Variants in SLC45A1 observed in about 807,000 individuals in gnomAD.
SLC45A1 encodes the protein proton-associated sugar transporter A.
A neutral mutation model predicts 57.6 loss-of-function variants in SLC45A1; 28 were observed. That is an observed-to-expected ratio of 0.49 (90% CI 0.36 to 0.67). The LOEUF is 0.67. Ranked by LOEUF, SLC45A1 falls within the 30% of genes least tolerant of loss-of-function variation. The pLI is 0.00. For missense variants in SLC45A1, 814 were observed against 1,041.5 expected (o/e 0.78, Z 3.01); for synonymous variants, 459 against 471.5 (o/e 0.97, Z 0.34).
Position 8,344,053 on chromosome 1 carries a change from G to A in SLC45A1, c.*40G>A. The A allele has an allele frequency of 6.4e-7, 1 of 1,570,906 alleles. No individual in the cohort carries two copies. Among genetic ancestry groups the A allele is most frequent in the Non-Finnish European group, 8.6e-7 (1 of 1,156,634 alleles). On this transcript the variant is annotated 3_prime_UTR_variant, in exon 9 of 9. Transcript: ENST00000471889. ...GACTCCGGACACGCGCCTGCACCTG[G>A]GGGTCTGGAGCAGGCCGACCAGTGA...
At position 8,325,748 on chromosome 1, in the gene SLC45A1, T is replaced by C. The variant is rs1640176448; in HGVS notation, c.491-70T>C. The stretch of plus-strand genomic sequence containing the variant: ...TCTTGAGTCCTAAAGATTCTAGACA[T>C]AAGTCGTGAGCTGCCGGGGACAGAG... On this transcript the variant is annotated intron_variant, in intron 3 of 8. Transcript: ENST00000471889. The surrounding 1 kb of genome is among the most constrained non-coding windows in gnomAD (Gnocchi z 6.3). 7.1e-7 allele frequency: 1 copy of C among 1,403,374 alleles called. No homozygotes were observed. Among genetic ancestry groups the C allele is most frequent in the Non-Finnish European group, 9.9e-7 (1 of 1,012,124 alleles). The allele number at this position is 1,403,374 out of a possible 1,614,324, so 86.9% of individuals were successfully genotyped here. A position where few individuals can be genotyped will look rare whatever the true frequency, so the allele number is the denominator to read the frequency against.
Position 8,324,624 on chromosome 1 carries a change from T to A in SLC45A1, c.295T>A (p.Phe99Ile). ...CGGCTGCATTCTCTTTGGCATCGAG[T>A]TCAGCTACGCCATGGAGACGGCGTA... is the stretch of plus-strand genomic sequence containing the variant. ...FNGCILFGIE[F>I]SYAMETAYVT... Residue 99 changes from phenylalanine to isoleucine, a missense_variant, in exon 2 of 9, where the codon TTC (phenylalanine) becomes ATC (isoleucine). Transcript: ENST00000471889. The A allele has an allele frequency of 6.2e-7, 1 of 1,610,982 alleles. No individual in the cohort carries two copies. Among genetic ancestry groups the A allele is most frequent in the Non-Finnish European group, 8.5e-7 (1 of 1,179,172 alleles).
intron 6 of SLC45A1, among the ~76,000 whole-genome samples, chr1:8,337,522 C>A (rs1640654679): frequency 6.6e-6 from 1 of 152,202 alleles, no homozygotes. Context: ...GGGTTCACAC[C>A]ATTCTCCTGC....
rs185509343 is a variant in SLC45A1 at position 8,318,483 on chromosome 1, C to T, written c.-25+297C>T. On this transcript the variant is annotated intron_variant, in intron 1 of 8. Transcript: ENST00000471889. ...CTTGGCCCCAGCTCCTGATGCGCTC[C>T]TTGAGCCGGAGGCCTGGTCCCTAGT... 3.2e-4 allele frequency among the ~76,000 whole-genome samples: 48 copies of T among 152,378 alleles called. 1 individual carries two copies. In the East Asian group the frequency reaches 9.1e-3, roughly 29 times the overall value.
Position 8,330,007 on chromosome 1 carries a change from T to C in SLC45A1, c.716-202T>C. The C allele has an allele frequency of 1.6e-6, 1 of 614,488 alleles. No individual in the cohort carries two copies. Among genetic ancestry groups the C allele is most frequent in the Non-Finnish European group, 2.8e-6 (1 of 354,116 alleles). 38.1% of individuals were successfully genotyped at this position (614,488 alleles called of 1,614,324 possible). On this transcript the variant is annotated intron_variant, in intron 4 of 8. Transcript: ENST00000471889. This position sits in a 1 kb window ranked among gnomAD's most constrained non-coding sequence, Gnocchi z 8.4. ...CACCAGGAAGGGCCCTGCAGGTGGC[T>C]GTGCAGGACAGGAGGGGGACCTCCT...
At chr1:8,320,433 A>C (rs1049182008) in intron 1 of SLC45A1, among the ~76,000 whole-genome samples, 1 of 152,204 alleles carries the variant, frequency 6.6e-6, no homozygotes, top group Admixed American at 6.5e-5. Flanking sequence ...ACTTGAGCCC[A>C]GGAGTTTGAG....
chr1:8,326,919 G>T lies in SLC45A1; in HGVS notation c.715+877G>T, dbSNP rs569134934. On this transcript the variant is annotated intron_variant, in intron 4 of 8. Coordinates refer to ENST00000471889, the MANE Select transcript of SLC45A1 (RefSeq NM_001080397.3). The surrounding 1 kb of genome is among the most constrained non-coding windows in gnomAD (Gnocchi z 5.5). Reference sequence around the variant, plus strand: ...CACTTGAATCCGGGAGGCGGAGGTTGCAGTGAACTGAGATCGCACTATTGC... The same window carrying T: ...CACTTGAATCCGGGAGGCGGAGGTTTCAGTGAACTGAGATCGCACTATTGC... Among the ~76,000 whole-genome samples, 1 of 152,362 alleles carries T rather than the reference G, an allele frequency of 6.6e-6. No individual in the cohort carries two copies. The highest frequency in any genetic ancestry group is 6.5e-5 in the Admixed American group (1 of 15,306).
At chr1:8,340,136 A>G (rs944693148) in intron 8 of SLC45A1, among the ~76,000 whole-genome samples, 2 of 151,908 alleles carry the variant, frequency 1.3e-5, no homozygotes, top group African/African-American at 4.8e-5. Flanking sequence ...CCAAAAATCC[A>G]TGGAGAACAA....
At position 8,337,639 on chromosome 1, in the gene SLC45A1, C is replaced by T. The variant is rs561155289; in HGVS notation, c.1598-177C>T. ...TTCACCATGTTAGCCAGGATGGTCT[C>T]GATTTCCTGACCCTGTGATCCGCCC... On this transcript the variant is annotated intron_variant, in intron 6 of 8. Transcript: ENST00000471889. Among the ~76,000 whole-genome samples, 12 of 152,256 alleles carry T rather than the reference C, an allele frequency of 7.9e-5. No homozygotes were observed. In the South Asian group the frequency reaches 2.1e-3, roughly 26 times the overall value.
In SLC45A1 at chr1:8,324,606, A is replaced by T. The variant is rs1470532525; in HGVS notation, c.277A>T (p.Ile93Phe). The change falls in exon 2 of 9, where the codon ATT becomes TTT. Residue 93 changes from isoleucine (I) to phenylalanine (F), a missense_variant. Physicochemically the swap from Ile to Phe is conservative, Grantham distance 21. Transcript: ENST00000471889. ...CCGGGAGCTGCTTTTCAACGGCTGC[A>T]TTCTCTTTGGCATCGAGTTCAGCTA... ...SFRELLFNGC[I>F]LFGIEFSYAM... is the part of the protein sequence containing the mutation. The T allele has an allele frequency of 1.9e-6, 3 of 1,610,330 alleles. No homozygotes were observed. In the Admixed American group the frequency reaches 5.0e-5, roughly 27 times the overall value.
At chr1:8,320,941 T>C (rs893028816) in intron 1 of SLC45A1, among the ~76,000 whole-genome samples, 7 of 152,030 alleles carry the variant, frequency 4.6e-5, no homozygotes, top group African/African-American at 1.2e-4. Context: ...AGAGCATACG[T>C]GGGGCTGTGA....
chr1:8,322,899 A>G (rs1171912410), intron 1 of SLC45A1, among the ~76,000 whole-genome samples: 1 of 152,042 alleles, frequency 6.6e-6, no homozygotes, highest in Non-Finnish European at 1.5e-5. Context: ...TTATGTTGGT[A>G]TCTGTCTCTT....
Position 8,343,995 on chromosome 1 carries a change from C to A in SLC45A1, c.2229C>A (p.Pro743=). The A allele has an allele frequency of 6.2e-7, 1 of 1,609,392 alleles. No homozygotes were observed. Among genetic ancestry groups the A allele is most frequent in the East Asian group, 2.2e-5 (1 of 44,742 alleles). The change falls in exon 9 of 9, where the codon CCC becomes CCA. Residue 743 remains proline, a synonymous_variant. Coordinates refer to ENST00000471889, the MANE Select transcript of SLC45A1 (RefSeq NM_001080397.3). This position sits in a 1 kb window ranked among gnomAD's most constrained non-coding sequence, Gnocchi z 7.7. ...PSDAADEEHR[P]LLLNV is the part of the protein sequence containing the mutation. ...ACGCTGCAGACGAGGAGCACCGGCC[C>A]CTCCTGCTGAACGTCTGACATCGCG...
chr1:8,341,217 G>T (rs1424584728), intron 8 of SLC45A1, among the ~76,000 whole-genome samples: 2 of 142,838 alleles, frequency 1.4e-5, no homozygotes, highest in Non-Finnish European at 3.0e-5. Context: ...AAAAAAAAAA[G>T]AGTAAGAGGG....
Position 8,335,808 on chromosome 1 carries a change from T to G in SLC45A1, c.1597+218T>G, listed in dbSNP as rs963900851. Among the ~76,000 whole-genome samples, 2 of 152,098 alleles carry G rather than the reference T, an allele frequency of 1.3e-5. No homozygotes were observed. Among genetic ancestry groups the G allele is most frequent in the African/African-American group, 4.8e-5 (2 of 41,414 alleles). On this transcript the variant is annotated intron_variant, in intron 6 of 8. Coordinates refer to ENST00000471889, the MANE Select transcript of SLC45A1 (RefSeq NM_001080397.3). This position sits in a 1 kb window ranked among gnomAD's most constrained non-coding sequence, Gnocchi z 4.1. ...GCATAGCCCCAAACTAAACCAGGTGTCACCATTGAGAGCCACATAGCTCAC... is the reference window on the plus strand; with the variant it reads ...GCATAGCCCCAAACTAAACCAGGTGGCACCATTGAGAGCCACATAGCTCAC...
In SLC45A1 at chr1:8,325,255, C is replaced by CA. The variant is rs1640160256; in HGVS notation, c.398-43_398-42insA. 2.3e-6 allele frequency: 3 copies of CA among 1,309,742 alleles called. No homozygotes were observed. Among genetic ancestry groups the CA allele is most frequent in the Non-Finnish European group, 3.3e-6 (3 of 904,524 alleles). 81.1% of individuals were successfully genotyped at this position (1,309,742 alleles called of 1,614,324 possible). A position where few individuals can be genotyped will look rare whatever the true frequency, so the allele number is the denominator to read the frequency against. On this transcript the variant is annotated intron_variant, in intron 2 of 8. Coordinates refer to ENST00000471889, the MANE Select transcript of SLC45A1 (RefSeq NM_001080397.3). This position sits in a 1 kb window ranked among gnomAD's most constrained non-coding sequence, Gnocchi z 6.3. ...GAGGCTGATTCGATGTCCCCATGTG[C>CA]CATGGGGACCCTGGCAATGACCGCT...
intron 1 of SLC45A1, 53 bp from the exon 2 acceptor site, chr1:8,324,253 G>C: frequency 6.7e-7 from 1 of 1,491,650 alleles, no homozygotes; most frequent in Admixed American, 1.8e-5. Flanking sequence ...AATGTTGGGG[G>C]AGGACTACCC....
At chr1:8,322,021 GGA>G (rs1414775557) in intron 1 of SLC45A1, among the ~76,000 whole-genome samples, 24 of 102,104 alleles carry the variant, frequency 2.4e-4, no homozygotes, top group South Asian at 1.4e-3. Context: ...ATGGATGGAT[GGA>G]TGGATGGGTG....
At chr1:8,329,896 G>A (rs1172739052) in intron 4 of SLC45A1, among the ~76,000 whole-genome samples, 1 of 152,178 alleles carries the variant, frequency 6.6e-6, no homozygotes, top group African/African-American at 2.4e-5. Context: ...TCGCTCCAGG[G>A]GCCTGAAAGG....
Sources: allele counts gnomAD v4.1 joint callset (sites outside exome capture counted in the v4.1 genomes callset), GRCh38; gene constraint gnomAD v4.1.1; non-coding constraint Gnocchi (gnomAD v3.1); transcripts MANE v1.5; gene names NCBI Gene and HGNC (gene_info 2026-07-23, HGNC 2026-07-21).